NEURL1: variants seen among roughly 807,000 people sequenced by gnomAD.
The protein encoded by NEURL1 is E3 ubiquitin-protein ligase NEURL1.
NEURL1 carries 26 observed loss-of-function variants against 41.2 expected under a neutral mutation model. That is an observed-to-expected ratio of 0.63 (90% CI 0.46 to 0.87). The LOEUF (loss-of-function observed/expected upper bound fraction) is 0.87, where lower values mean the gene tolerates loss of function less well. Among genes scored for constraint, NEURL1 ranks in the 40% least tolerant of loss-of-function variants. The pLI is 0.00. For missense variants in NEURL1, 761 were observed against 871.1 expected, an observed-to-expected ratio of 0.87 and a Z score of 1.59; for synonymous variants, 400 against 402.3, an observed-to-expected ratio of 0.99 and a Z score of 0.07.
At position 103,590,833 on chromosome 10, in the gene NEURL1, A is replaced by T. The variant is rs184605300; in HGVS notation, c.*461A>T. ...GCAGCATGGAGTGGATTTTAGGCTC[A>T]TTTGCCCTCTCAGCCAACTGCCCTT... is the stretch of plus-strand genomic sequence containing the variant. On this transcript the variant is annotated 3_prime_UTR_variant, in exon 6 of 6. Transcript: ENST00000369780. 5 of 188,194 alleles carry T rather than the reference A, an allele frequency of 2.7e-5. No individual in the cohort carries two copies. The highest frequency in any genetic ancestry group is 1.2e-4 in the African/African-American group (5 of 42,732). The allele number at this position is 188,194 out of a possible 1,614,324, so 11.7% of individuals were successfully genotyped here. A position where few individuals can be genotyped will look rare whatever the true frequency, so the allele number is the denominator to read the frequency against.
intron 1 of NEURL1, among the ~76,000 whole-genome samples, chr10:103,504,468 T>G (rs953618307): frequency 2.0e-4 from 31 of 152,136 alleles, no homozygotes; most frequent in African/African-American, 7.5e-4. Context: ...GGTTTTGGAG[T>G]GAAAGACCAC....
intron 1 of NEURL1, among the ~76,000 whole-genome samples, chr10:103,525,335 T>TTTTTTTTC (rs1554890753): frequency 2.7e-5 from 4 of 146,834 alleles, no homozygotes; most frequent in African/African-American, 5.0e-5. Flanking sequence ...GTGGAGTTTT[T>TTTTTTTTC]TTTCTTTCTT....
Position 103,529,968 on chromosome 10 carries a change from C to A in NEURL1, c.85+35496C>A, listed in dbSNP as rs546292625. Reference sequence around the variant, plus strand: ...TCCACAGAGTAAAGTGAAAGCAAGTCTATTAGAGAAGTAAAGAAACAAAAG... The same window carrying A: ...TCCACAGAGTAAAGTGAAAGCAAGTATATTAGAGAAGTAAAGAAACAAAAG... On this transcript the variant is annotated intron_variant, in intron 1 of 5. Coordinates refer to ENST00000369780, the MANE Select transcript of NEURL1 (RefSeq NM_004210.5). Among the ~76,000 whole-genome samples, 296 of 152,212 alleles carry A rather than the reference C, an allele frequency of 1.9e-3. 4 individuals carry two copies. The highest frequency in any genetic ancestry group is 3.5e-3 in the East Asian group (18 of 5,176).
chr10:103,503,277 G>A (rs546532466), intron 1 of NEURL1, among the ~76,000 whole-genome samples: 1 of 152,332 alleles, frequency 6.6e-6, no homozygotes, highest in Non-Finnish European at 1.5e-5. Flanking sequence ...TGCTTATCAG[G>A]AGTCATCCCC....
chr10:103,524,265 C>T (rs79554603), intron 1 of NEURL1, among the ~76,000 whole-genome samples: 1,974 of 152,190 alleles, frequency 0.013, 36 homozygotes, highest in African/African-American at 0.044. Context: ...TTCAGCTCAT[C>T]TGCCTGTTTT....
intron 1 of NEURL1, among the ~76,000 whole-genome samples, chr10:103,511,031 C>T (rs578180725): frequency 3.3e-4 from 50 of 152,282 alleles, no homozygotes; most frequent in Middle Eastern, 3.4e-3. Context: ...CCTCTTAGCC[C>T]GCATCCACCC....
At position 103,591,742 on chromosome 10, in the gene NEURL1, A is replaced by G. The variant is rs982192565; in HGVS notation, c.*1370A>G. On this transcript the variant is annotated 3_prime_UTR_variant, in exon 6 of 6. Coordinates refer to ENST00000369780, the MANE Select transcript of NEURL1 (RefSeq NM_004210.5). Reference sequence around the variant, plus strand: ...CTTCCTCCTGGGCCAGAGCTGGGTTATCATGGTTGGCTTAGGTACCTCAGG... The same window carrying G: ...CTTCCTCCTGGGCCAGAGCTGGGTTGTCATGGTTGGCTTAGGTACCTCAGG... 7.9e-5 allele frequency: 12 copies of G among 152,230 alleles called. No homozygotes were observed. The highest frequency in any genetic ancestry group is 2.9e-4 in the African/African-American group (12 of 41,448). 9.4% of individuals were successfully genotyped at this position (152,230 alleles called of 1,614,324 possible). A position where few individuals can be genotyped will look rare whatever the true frequency, so the allele number is the denominator to read the frequency against.
intron 1 of NEURL1, among the ~76,000 whole-genome samples, chr10:103,527,958 G>A (rs1307177341): frequency 1.3e-5 from 2 of 152,196 alleles, no homozygotes; most frequent in African/African-American, 4.8e-5. Context: ...AATGGCTCAC[G>A]CCTGTAATCC....
chr10:103,495,964 C>T (rs969490204), intron 1 of NEURL1, among the ~76,000 whole-genome samples: 7 of 152,054 alleles, frequency 4.6e-5, no homozygotes, highest in African/African-American at 9.7e-5. Flanking sequence ...AAAAATTAGC[C>T]GGGCATAGTG....
intron 1 of NEURL1, among the ~76,000 whole-genome samples, chr10:103,554,364 G>A (rs2035099266): frequency 6.6e-6 from 1 of 152,240 alleles, no homozygotes. Context: ...AGATGGCTGA[G>A]TGCGCTCAGT....
intron 3 of NEURL1, among the ~76,000 whole-genome samples, chr10:103,579,230 C>G (rs1477805520): frequency 6.6e-6 from 1 of 152,234 alleles, no homozygotes; most frequent in Non-Finnish European, 1.5e-5. Flanking sequence ...TGTTTGCTAA[C>G]AGTTTTCTCA....
chr10:103,578,267 G>C (rs1234262829), intron 3 of NEURL1, among the ~76,000 whole-genome samples: 1 of 152,168 alleles, frequency 6.6e-6, no homozygotes, highest in Non-Finnish European at 1.5e-5. Flanking sequence ...AGGTTAAAAA[G>C]GAATACCTAA....
At chr10:103,533,561 G>C (rs981473788) in intron 1 of NEURL1, among the ~76,000 whole-genome samples, 4 of 150,920 alleles carry the variant, frequency 2.7e-5, no homozygotes, top group Non-Finnish European at 4.4e-5. Context: ...TTTTGAGATG[G>C]AGTCTCACTC....
intron 1 of NEURL1, among the ~76,000 whole-genome samples, chr10:103,557,888 CT>C (rs926395615): frequency 6.6e-6 from 1 of 151,392 alleles, no homozygotes; most frequent in African/African-American, 2.4e-5. Flanking sequence ...CTTTTCTTTT[CT>C]TTTTTTTTGA....
At chr10:103,526,007 A>G (rs898307906) in intron 1 of NEURL1, among the ~76,000 whole-genome samples, 14 of 152,144 alleles carry the variant, frequency 9.2e-5, no homozygotes, top group African/African-American at 3.4e-4. Flanking sequence ...AGAGGAGCAT[A>G]TGGTTTTTGT....
chr10:103,541,720 G>C (rs994534167), intron 1 of NEURL1, among the ~76,000 whole-genome samples: 2 of 152,232 alleles, frequency 1.3e-5, no homozygotes, highest in African/African-American at 4.8e-5. Context: ...GACATGAGAA[G>C]GTGACTGCTG....
intron 3 of NEURL1, among the ~76,000 whole-genome samples, chr10:103,572,702 C>T (rs1241794567): frequency 6.6e-6 from 1 of 152,238 alleles, no homozygotes; most frequent in African/African-American, 2.4e-5. Flanking sequence ...TCCCACCTGG[C>T]TCTCCTTGTG....
intron 1 of NEURL1, among the ~76,000 whole-genome samples, chr10:103,538,819 G>A (rs1289276269): frequency 6.6e-6 from 1 of 151,070 alleles, no homozygotes; most frequent in Non-Finnish European, 1.5e-5. Flanking sequence ...GCTAATTTTC[G>A]TAATTTTAGT....
intron 1 of NEURL1, among the ~76,000 whole-genome samples, chr10:103,496,315 A>G (rs2033684303): frequency 6.6e-6 from 1 of 152,202 alleles, no homozygotes; most frequent in Non-Finnish European, 1.5e-5. Flanking sequence ...GATTACAATT[A>G]TATTTGTGAA....
Sources: gnomAD v4.1 joint callset for allele counts (sites outside exome capture counted in the v4.1 genomes callset) on GRCh38, gnomAD v4.1.1 for gene constraint, MANE v1.5 for transcripts, NCBI Gene and HGNC (gene_info 2026-07-23, HGNC 2026-07-21) for gene names.